VPS45: variants seen among roughly 807,000 people sequenced by gnomAD.
VPS45 encodes vacuolar protein sorting 45 homolog.
Under a neutral mutation model 75.9 loss-of-function variants are expected in VPS45, and 35 were observed. That is an observed-to-expected ratio of 0.46 (90% CI 0.35 to 0.61). The LOEUF (loss-of-function observed/expected upper bound fraction) is 0.61. Among genes scored for constraint, VPS45 ranks in the 20% least tolerant of loss-of-function variants. The pLI is 0.00. For synonymous variants in VPS45, 220 were observed against 238.2 expected (o/e 0.92, Z 0.70); for missense variants, 559 against 685.9 (o/e 0.81, Z 2.07).
intron 13 of VPS45, among the ~76,000 whole-genome samples, chr1:150,108,227 G>A (rs1399112033): frequency 7.2e-5 from 11 of 152,282 alleles, no homozygotes; most frequent in Middle Eastern, 3.4e-3. Context: ...GAGTTTAGAA[G>A]AAAGGTCTGG....
intron 3 of VPS45, among the ~76,000 whole-genome samples, chr1:150,075,376 C>T (rs1342244490): frequency 6.6e-6 from 1 of 152,072 alleles, no homozygotes; most frequent in African/African-American, 2.4e-5. Context: ...AAATATTCCT[C>T]TGTCTTCTAG....
rs782116395 is a variant in VPS45, at chr1:150,077,226, G to GT, written c.573dup (p.Lys192Ter). 1.9e-6 allele frequency: 3 copies of GT among 1,612,648 alleles called. No individual in the cohort carries two copies. The highest frequency in any genetic ancestry group is 1.7e-5 in the Admixed American group (1 of 59,664). On this transcript the variant is annotated frameshift_variant, in exon 6 of 15. Transcript: ENST00000644510. LOFTEE classifies it high-confidence loss of function. ...GGCAGCAAAGAGACTTGCAGAGTGCGTTAAGGTATGGCATTACCTATTCCT... is the reference window on the plus strand; with the variant it reads ...GGCAGCAAAGAGACTTGCAGAGTGCGTTTAAGGTATGGCATTACCTATTCCT...
At chr1:150,132,857 A>G (rs1398083549) in intron 14 of VPS45, among the ~76,000 whole-genome samples, 1 of 152,100 alleles carries the variant, frequency 6.6e-6, no homozygotes, top group Non-Finnish European at 1.5e-5. Context: ...CCTTCATACC[A>G]TTGTTGTGAT....
chr1:150,109,734 T>C (rs1429216359), intron 13 of VPS45: 11 of 152,236 alleles, frequency 7.2e-5, no homozygotes, highest in African/African-American at 2.7e-4. Context: ...ACTTTTGTTA[T>C]GAAGCCATTT....
intron 14 of VPS45, among the ~76,000 whole-genome samples, chr1:150,142,088 GT>G (rs745533762): frequency 1.1e-4 from 16 of 151,436 alleles, no homozygotes; most frequent in Non-Finnish European, 2.2e-4. Context: ...TCCCCAAATA[GT>G]TTTTTTTTAA....
At chr1:150,076,156 T>G in intron 3 of VPS45, 77 bp from the exon 4 acceptor site, 1 of 1,075,310 alleles carries the variant, frequency 9.3e-7, no homozygotes, top group Non-Finnish European at 1.3e-6. Flanking sequence ...TTCATTAGGC[T>G]TTAACTATCA....
chr1:150,137,722 C>T (rs1659186106), intron 14 of VPS45, among the ~76,000 whole-genome samples: 1 of 152,122 alleles, frequency 6.6e-6, no homozygotes, highest in Non-Finnish European at 1.5e-5. Flanking sequence ...TGAGACCAGC[C>T]TGGGCAACAC....
intron 13 of VPS45, among the ~76,000 whole-genome samples, chr1:150,105,340 G>A (rs988533279): frequency 1.3e-5 from 2 of 152,104 alleles, no homozygotes; most frequent in Non-Finnish European, 2.9e-5. Context: ...ATCTCTGTTC[G>A]CATTCAATAG....
At chr1:150,122,204 C>G (rs1307228845) in intron 14 of VPS45, among the ~76,000 whole-genome samples, 1 of 152,076 alleles carries the variant, frequency 6.6e-6, no homozygotes, top group Admixed American at 6.6e-5. Context: ...TCCTGTAATC[C>G]CAGCTACATG....
At chr1:150,109,003 CTG>C (rs1254877843) in intron 13 of VPS45, among the ~76,000 whole-genome samples, 2 of 151,928 alleles carry the variant, frequency 1.3e-5, no homozygotes, top group Non-Finnish European at 1.5e-5. Flanking sequence ...GCTTGTATAA[CTG>C]TTTTTAGGGG....
chr1:150,113,155 T>C (rs1377226365), intron 14 of VPS45, among the ~76,000 whole-genome samples: 1 of 152,168 alleles, frequency 6.6e-6, no homozygotes, highest in Non-Finnish European at 1.5e-5. Context: ...AAGTTTCTTA[T>C]TAAGGCTTGG....
intron 14 of VPS45, among the ~76,000 whole-genome samples, chr1:150,129,999 C>A (rs1658740744): frequency 6.6e-6 from 1 of 151,804 alleles, no homozygotes; most frequent in Non-Finnish European, 1.5e-5. Context: ...CTATGGGCCA[C>A]CAAGCCTGGC....
intron 7 of VPS45, among the ~76,000 whole-genome samples, chr1:150,078,554 G>A (rs1655522114): frequency 6.6e-6 from 1 of 152,044 alleles, no homozygotes; most frequent in Non-Finnish European, 1.5e-5. Flanking sequence ...GAGGTCAAGA[G>A]TTCAAGACTA....
At chr1:150,093,062 G>GA (rs1656428583) in intron 12 of VPS45, among the ~76,000 whole-genome samples, 2 of 151,658 alleles carry the variant, frequency 1.3e-5, no homozygotes, top group Non-Finnish European at 2.9e-5. Context: ...TAGCCAGGAT[G>GA]GTCTCGAACT....
In VPS45 at chr1:150,137,168, A is replaced by T. The variant is rs144532588; in HGVS notation, c.1626-7541A>T. ...CACCTGCCTTGGCCTCCCAAAGTGC[A>T]GGGATTACAGGTGTGAGCCACCACA... On this transcript the variant is annotated intron_variant, in intron 14 of 14. Coordinates refer to ENST00000644510, the MANE Select transcript of VPS45 (RefSeq NM_007259.5). Among the ~76,000 whole-genome samples the T allele has an allele frequency of 5.5e-3, 837 of 152,150 alleles. 8 individuals are homozygous for T. The highest frequency in any genetic ancestry group is 0.027 in the Middle Eastern group (8 of 294).
chr1:150,128,633 A>G (rs371583932), intron 14 of VPS45, among the ~76,000 whole-genome samples: 15 of 152,324 alleles, frequency 9.8e-5, no homozygotes, highest in African/African-American at 3.6e-4. Context: ...AAAAATTAGG[A>G]TACTATGACA....
chr1:150,114,621 C>T (rs1490319120), intron 14 of VPS45, among the ~76,000 whole-genome samples: 2 of 146,478 alleles, frequency 1.4e-5, no homozygotes, highest in Non-Finnish European at 3.0e-5. Flanking sequence ...ATGGACTAGG[C>T]ATGGTGGCTC....
intron 14 of VPS45, among the ~76,000 whole-genome samples, chr1:150,112,509 A>T (rs1365710294): frequency 6.6e-6 from 1 of 152,194 alleles, no homozygotes; most frequent in Admixed American, 6.5e-5. Context: ...ACTTCTACAG[A>T]AATATTACAG....
intron 13 of VPS45, among the ~76,000 whole-genome samples, chr1:150,108,629 G>A (rs931088006): frequency 2.6e-5 from 4 of 152,090 alleles, no homozygotes; most frequent in Non-Finnish European, 5.9e-5. Context: ...AAATTTTCTG[G>A]AAACCAATTG....
Sources: allele counts gnomAD v4.1 joint callset (sites outside exome capture counted in the v4.1 genomes callset), GRCh38; gene constraint gnomAD v4.1.1; transcripts MANE v1.5; gene names NCBI Gene and HGNC (gene_info 2026-07-23, HGNC 2026-07-21).